Variants in BTG4 observed in about 807,000 individuals in gnomAD.
BTG4 encodes protein BTG4.
Under a neutral mutation model 19.3 loss-of-function variants are expected in BTG4, and 10 were observed. The ratio of observed to expected loss-of-function variants is 0.52; its 90% CI spans 0.32 to 0.88. The LOEUF (loss-of-function observed/expected upper bound fraction) is 0.88. BTG4 is among the 40% of genes least tolerant of loss of function. BTG4 has a pLI of 0.04. For missense variants in BTG4, 238 were observed against 281.9 expected (o/e 0.84, Z 1.11); for synonymous variants, 91 against 95.7 (o/e 0.95, Z 0.29).
At chr11:111,510,638 T>C (rs80195406) in intron 1 of BTG4, among the ~76,000 whole-genome samples, 2 of 143,792 alleles carry the variant, frequency 1.4e-5, no homozygotes, top group Non-Finnish European at 3.0e-5. Flanking sequence ...ACAAGCATTC[T>C]TTTTTTTTTT....
intron 4 of BTG4, among the ~76,000 whole-genome samples, chr11:111,495,579 C>T (rs536332959): frequency 6.6e-6 from 1 of 152,330 alleles, no homozygotes; most frequent in Admixed American, 6.5e-5. Flanking sequence ...AATTGTCCCT[C>T]TTCCATCCCT....
At chr11:111,485,348 T>A (rs1042932245) in intron 5 of BTG4, among the ~76,000 whole-genome samples, 2 of 152,168 alleles carry the variant, frequency 1.3e-5, no homozygotes, top group Non-Finnish European at 2.9e-5. Context: ...ACAGACCATA[T>A]GTTAGGCCAC....
the BTG4 span, among the ~76,000 whole-genome samples, chr11:111,426,932 C>T: frequency 1.3e-5 from 2 of 152,192 alleles, no homozygotes; most frequent in African/African-American, 4.8e-5. Flanking sequence ...CAGAACATTT[C>T]TCAGTCTTTG....
the BTG4 span, chr11:111,396,740 A>G: frequency 6.6e-6 from 1 of 152,234 alleles, no homozygotes; most frequent in South Asian, 2.1e-4. Context: ...AGTGTTTATG[A>G]TTCAATTCCT....
chr11:111,498,616 C>T lies in BTG4; in HGVS notation c.161G>A (p.Gly54Glu), dbSNP rs1865880140. Reference sequence around the variant, plus strand: ...TACTAGCTCTCACCTGAAGGCTTGCCCTTTAGAAGGGCAATCAGAGTGCCA... The same window carrying T: ...TACTAGCTCTCACCTGAAGGCTTGCTCTTTAGAAGGGCAATCAGAGTGCCA... ...SHWHSDCPSK[G>E]QAFRCIRINN... The change falls in exon 2 of 5, where the codon GGG becomes GAG. Residue 54 changes from glycine (G) to glutamate (E), a missense_variant. Coordinates refer to ENST00000692032, the MANE Select transcript of BTG4 (RefSeq NM_001367975.1). 6.2e-7 allele frequency: 1 copy of T among 1,612,672 alleles called. No individual in the cohort carries two copies. Among genetic ancestry groups the T allele is most frequent in the Non-Finnish European group, 8.5e-7 (1 of 1,179,714 alleles).
At chr11:111,407,626 G>A in the BTG4 span, among the ~76,000 whole-genome samples, 28 of 152,172 alleles carry the variant, frequency 1.8e-4, no homozygotes, top group East Asian at 3.8e-4. Context: ...AGCTGAGATC[G>A]CACCATCGCA....
At chr11:111,453,433 G>A in the BTG4 span, 1 of 456,516 alleles carries the variant, frequency 2.2e-6, no homozygotes, top group Admixed American at 2.3e-5. Flanking sequence ...CCTGAGCTGG[G>A]CTCGGAAGGC....
At chr11:111,432,844 A>T in the BTG4 span, among the ~76,000 whole-genome samples, 5 of 152,136 alleles carry the variant, frequency 3.3e-5, no homozygotes, top group African/African-American at 1.2e-4. Flanking sequence ...TCTACTTCTT[A>T]AGTAATATAT....
downstream of BTG4, among the ~76,000 whole-genome samples, chr11:111,493,096 A>C (rs1865516358): frequency 6.6e-6 from 1 of 152,182 alleles, no homozygotes; most frequent in African/African-American, 2.4e-5. Flanking sequence ...CAGTGAGCCA[A>C]GATCTCGCCA....
the BTG4 span, among the ~76,000 whole-genome samples, chr11:111,388,028 C>T: frequency 2.0e-5 from 3 of 152,128 alleles, no homozygotes; most frequent in Non-Finnish European, 4.4e-5. Flanking sequence ...CATGATACTT[C>T]TAAAAATACT....
chr11:111,410,883 C>A, the BTG4 span, among the ~76,000 whole-genome samples: 1 of 152,162 alleles, frequency 6.6e-6, no homozygotes, highest in African/African-American at 2.4e-5. Context: ...TGGGGTCGTC[C>A]TTGGCTTCCC....
chr11:111,417,142 CT>C, the BTG4 span: 1 of 152,174 alleles, frequency 6.6e-6, no homozygotes, highest in African/African-American at 2.4e-5. Flanking sequence ...CCTTATGTCC[CT>C]GGGTCTGAAA....
chr11:111,497,580 G>A (rs1245865968), intron 3 of BTG4, among the ~76,000 whole-genome samples, 171 bp from the exon 4 acceptor site: 2 of 152,108 alleles, frequency 1.3e-5, no homozygotes, highest in African/African-American at 4.8e-5. Context: ...TATTCTATAA[G>A]AGCTATTTTG....
chr11:111,513,122 G>T, upstream of BTG4: 1 of 398,880 alleles, frequency 2.5e-6, no homozygotes, highest in Non-Finnish European at 5.3e-6. Flanking sequence ...TGGGTCCTGC[G>T]CAGCCTGCCC....
the BTG4 span, among the ~76,000 whole-genome samples, chr11:111,435,446 C>T: frequency 6.6e-6 from 1 of 152,194 alleles, no homozygotes; most frequent in Non-Finnish European, 1.5e-5. Context: ...GGCAGCTCCC[C>T]AGAGATGACA....
chr11:111,408,258 G>A, the BTG4 span, among the ~76,000 whole-genome samples: 4 of 152,252 alleles, frequency 2.6e-5, no homozygotes, highest in East Asian at 3.9e-4. Context: ...TTTCCCTTAC[G>A]TCCTCCCACT....
chr11:111,507,619 C>T (rs1866548380), intron 1 of BTG4, among the ~76,000 whole-genome samples: 1 of 152,144 alleles, frequency 6.6e-6, no homozygotes, highest in Non-Finnish European at 1.5e-5. Context: ...GCCAATGCAG[C>T]AGATTCTCTT....
intron 5 of BTG4, among the ~76,000 whole-genome samples, chr11:111,479,013 A>G (rs1337582391): frequency 1.3e-5 from 2 of 152,100 alleles, no homozygotes; most frequent in African/African-American, 4.8e-5. Flanking sequence ...AGATTTAAAA[A>G]GCTGAATGAA....
the BTG4 span, chr11:111,451,363 C>T: frequency 2.2e-6 from 1 of 449,766 alleles, no homozygotes; most frequent in South Asian, 1.6e-5. Flanking sequence ...TTCCAAAAGC[C>T]GGGCATTTAT....
Sources: gnomAD v4.1 joint callset for allele counts (sites outside exome capture counted in the v4.1 genomes callset) on GRCh38, gnomAD v4.1.1 for gene constraint, MANE v1.5 for transcripts, NCBI Gene and HGNC (gene_info 2026-07-23, HGNC 2026-07-21) for gene names.